INPP4B: variants seen among roughly 807,000 people sequenced by gnomAD.
INPP4B encodes the protein inositol polyphosphate-4-phosphatase type II B.
INPP4B carries 55 observed loss-of-function variants against 122.5 expected under a neutral mutation model. The ratio of observed to expected loss-of-function variants is 0.45; its 90% confidence interval spans 0.36 to 0.56. The LOEUF is 0.56. Among genes scored for constraint, INPP4B ranks in the 20% least tolerant of loss-of-function variants. INPP4B has a pLI of 0.00. For missense variants in INPP4B, 1,000 were observed against 1,097.7 expected (o/e 0.91, Z 1.26); for synonymous variants, 403 against 388.7 (o/e 1.04, Z -0.43).
chr4:142,717,678 G>A (rs1388275689), intron 2 of INPP4B, among the ~76,000 whole-genome samples: 1 of 152,076 alleles, frequency 6.6e-6, no homozygotes, highest in Non-Finnish European at 1.5e-5. Context: ...CTCATAGGTG[G>A]GAAATGAGCA....
At chr4:142,591,717 G>T (rs146009553) in intron 2 of INPP4B, among the ~76,000 whole-genome samples, 40 of 152,278 alleles carry the variant, frequency 2.6e-4, no homozygotes, top group Admixed American at 7.2e-4. Flanking sequence ...AAGTAATGTT[G>T]ATAATATGTG....
At chr4:142,804,230 G>T (rs1414962781) in intron 1 of INPP4B, among the ~76,000 whole-genome samples, 1 of 152,030 alleles carries the variant, frequency 6.6e-6, no homozygotes, top group Non-Finnish European at 1.5e-5. Flanking sequence ...CAGATCATAT[G>T]ACTTTTCTAC....
At chr4:142,327,442 C>CA (rs1772809185) in intron 7 of INPP4B, among the ~76,000 whole-genome samples, 2 of 148,918 alleles carry the variant, frequency 1.3e-5, no homozygotes, top group African/African-American at 4.9e-5. Context: ...TTACATGAAT[C>CA]GAAAAAAAAA....
intron 2 of INPP4B, among the ~76,000 whole-genome samples, chr4:142,670,817 T>C (rs891117106): frequency 5.3e-5 from 8 of 152,126 alleles, no homozygotes; most frequent in African/African-American, 1.9e-4. Context: ...ACCACCAAAA[T>C]GATTACTATG....
intron 7 of INPP4B, among the ~76,000 whole-genome samples, chr4:142,344,874 A>G (rs1176231780): frequency 6.6e-6 from 1 of 152,000 alleles, no homozygotes; most frequent in Non-Finnish European, 1.5e-5. Flanking sequence ...ATAAGAATTA[A>G]TATATATCAG....
At chr4:142,231,152 CTG>C in intron 12 of INPP4B, among the ~76,000 whole-genome samples, 1 of 152,312 alleles carries the variant, frequency 6.6e-6, no homozygotes, top group East Asian at 1.9e-4. Context: ...GTCACACTAA[CTG>C]TGAGACTAAG....
At chr4:142,114,440 C>T (rs970733935) in intron 21 of INPP4B, among the ~76,000 whole-genome samples, 3 of 152,190 alleles carry the variant, frequency 2.0e-5, no homozygotes, top group Admixed American at 2.0e-4. Flanking sequence ...TCCTCACCAA[C>T]ATTTGCTCTT....
At chr4:142,107,963 A>G (rs1020604857) in intron 23 of INPP4B, 130 bp downstream of exon 23, 5 of 579,498 alleles carry the variant, frequency 8.6e-6, no homozygotes, top group African/African-American at 7.8e-5. Context: ...TTTTTGGATC[A>G]GATAATTTCA....
intron 1 of INPP4B, among the ~76,000 whole-genome samples, chr4:142,770,320 T>G (rs1772848355): frequency 6.6e-6 from 1 of 152,120 alleles, no homozygotes; most frequent in Non-Finnish European, 1.5e-5. Context: ...TATCTAAAAT[T>G]TTATAATAAA....
intron 23 of INPP4B, among the ~76,000 whole-genome samples, chr4:142,101,840 G>A (rs575942734): frequency 1.3e-5 from 2 of 152,102 alleles, no homozygotes; most frequent in South Asian, 4.1e-4. Flanking sequence ...TACTTGTTCT[G>A]GAAAAATTAT....
chr4:142,650,742 A>C (rs1580621938), intron 2 of INPP4B, among the ~76,000 whole-genome samples: 1 of 152,320 alleles, frequency 6.6e-6, no homozygotes, highest in East Asian at 1.9e-4. Context: ...AGATCTACAA[A>C]GAGATTTAGA....
intron 7 of INPP4B, among the ~76,000 whole-genome samples, chr4:142,354,892 C>G (rs1403971695): frequency 6.6e-6 from 1 of 151,912 alleles, no homozygotes; most frequent in Non-Finnish European, 1.5e-5. Context: ...GGTGATTTAT[C>G]ACTTCTCACA....
chr4:142,554,628 C>A (rs1728754773), intron 2 of INPP4B, among the ~76,000 whole-genome samples: 1 of 152,168 alleles, frequency 6.6e-6, no homozygotes, highest in Non-Finnish European at 1.5e-5. Flanking sequence ...CTGGGCTCTA[C>A]CCACTCTGAA....
intron 2 of INPP4B, among the ~76,000 whole-genome samples, chr4:142,497,204 C>A (rs1185787148): frequency 6.6e-6 from 1 of 152,108 alleles, no homozygotes; most frequent in East Asian, 1.9e-4. Context: ...TTAGCCACGT[C>A]ACATCCCATT....
chr4:142,226,231 C>T (rs1156445371), intron 12 of INPP4B, among the ~76,000 whole-genome samples: 1 of 152,142 alleles, frequency 6.6e-6, no homozygotes, highest in Non-Finnish European at 1.5e-5. Context: ...AACAAACACA[C>T]TCACATATAA....
chr4:142,162,949 C>G (rs991999019), intron 16 of INPP4B, among the ~76,000 whole-genome samples: 1 of 151,784 alleles, frequency 6.6e-6, no homozygotes, highest in Non-Finnish European at 1.5e-5. Context: ...AGAAAATACC[C>G]AAATGTCCCA....
chr4:142,557,648 C>T (rs762466058), intron 2 of INPP4B, among the ~76,000 whole-genome samples: 3 of 152,088 alleles, frequency 2.0e-5, no homozygotes, highest in Non-Finnish European at 4.4e-5. Flanking sequence ...TAAACATTAA[C>T]CCCAACATGT....
intron 2 of INPP4B, among the ~76,000 whole-genome samples, chr4:142,626,630 C>T (rs1227199946): frequency 6.6e-6 from 1 of 151,964 alleles, no homozygotes; most frequent in African/African-American, 2.4e-5. Context: ...GGCAATGACC[C>T]CAGTTACACC....
chr4:142,197,285 A>G (rs1339323036), intron 14 of INPP4B, among the ~76,000 whole-genome samples: 2 of 152,038 alleles, frequency 1.3e-5, no homozygotes, highest in African/African-American at 2.4e-5. Context: ...AAGTCTTTAC[A>G]TCTTCATCTT....
Sources: gnomAD v4.1 joint callset for allele counts (sites outside exome capture counted in the v4.1 genomes callset) on GRCh38, gnomAD v4.1.1 for gene constraint, MANE v1.5 for transcripts, NCBI Gene and HGNC (gene_info 2026-07-23, HGNC 2026-07-21) for gene names.